PIK3CD: variants seen among roughly 807,000 people sequenced by gnomAD.
PIK3CD encodes phosphatidylinositol-4,5-bisphosphate 3-kinase catalytic subunit delta.
Under a neutral mutation model 122.9 loss-of-function variants are expected in PIK3CD, and 20 were observed. That is an observed-to-expected ratio of 0.16 (90% CI 0.11 to 0.24). The LOEUF (loss-of-function observed/expected upper bound fraction) is 0.24, where lower values mean the gene tolerates loss of function less well. Among genes scored for constraint, PIK3CD ranks in the 10% least tolerant of loss-of-function variants. The pLI is 1.00. For missense variants in PIK3CD, 787 were observed against 1,406.3 expected, an observed-to-expected ratio of 0.56 and a Z score of 7.04; for synonymous variants, 596 against 593.4, an observed-to-expected ratio of 1.00 and a Z score of -0.06.
intron 2 of PIK3CD, among the ~76,000 whole-genome samples, chr1:9,698,224 C>A (rs1646493768): frequency 6.6e-6 from 1 of 152,018 alleles, no homozygotes; most frequent in Admixed American, 6.6e-5. Flanking sequence ...CTCACTGTAA[C>A]CTCCGCCTCC....
the PIK3CD span, among the ~76,000 whole-genome samples, chr1:9,637,287 T>G: frequency 6.8e-6 from 1 of 146,180 alleles, no homozygotes; most frequent in Admixed American, 6.9e-5. Flanking sequence ...CCCAGTGCTA[T>G]GGGAGGCTGA....
intron 1 of PIK3CD, among the ~76,000 whole-genome samples, chr1:9,676,256 G>A (rs968304080): frequency 6.6e-6 from 1 of 151,932 alleles, no homozygotes; most frequent in African/African-American, 2.4e-5. Context: ...TAGATTTTTT[G>A]TAGATATGGG....
At chr1:9,699,259 C>T (rs1335857434) in intron 2 of PIK3CD, among the ~76,000 whole-genome samples, 3 of 152,152 alleles carry the variant, frequency 2.0e-5, no homozygotes, top group East Asian at 1.9e-4. Flanking sequence ...TCGGGCATTT[C>T]GGGGCATGTG....
At chr1:9,642,630 T>A in the PIK3CD span, among the ~76,000 whole-genome samples, 3 of 146,016 alleles carry the variant, frequency 2.1e-5, no homozygotes, top group African/African-American at 7.6e-5. Flanking sequence ...GGCAGGAGAA[T>A]GGTGTGAACC....
upstream of PIK3CD, among the ~76,000 whole-genome samples, chr1:9,651,410 C>T (rs1644668709): frequency 6.6e-6 from 1 of 152,178 alleles, no homozygotes; most frequent in South Asian, 2.1e-4. Flanking sequence ...GCCTTTCTCC[C>T]GCTCCTGCTG....
chr1:9,686,879 C>T (rs747315234), intron 1 of PIK3CD, among the ~76,000 whole-genome samples: 2 of 152,184 alleles, frequency 1.3e-5, no homozygotes, highest in South Asian at 4.1e-4. Flanking sequence ...AATATGAGTG[C>T]CAGGCACTGT....
At chr1:9,661,419 C>T (rs1645005655) in intron 1 of PIK3CD, among the ~76,000 whole-genome samples, 1 of 151,806 alleles carries the variant, frequency 6.6e-6, no homozygotes, top group Non-Finnish European at 1.5e-5. Context: ...TATAGGGTCT[C>T]ATTCTGTTGC....
intron 13 of PIK3CD, 97 bp from the exon 14 acceptor site, chr1:9,721,030 C>A: frequency 1.4e-6 from 2 of 1,426,352 alleles, no homozygotes; most frequent in Non-Finnish European, 1.9e-6. Flanking sequence ...CTGACCCTGG[C>A]CACCCACCAC....
At chr1:9,687,443 T>TTG (rs1646007515) in intron 1 of PIK3CD, 1 of 152,280 alleles carries the variant, frequency 6.6e-6, no homozygotes, top group Non-Finnish European at 1.5e-5. Flanking sequence ...ATCCCCGCCC[T>TTG]GGGGGGGTCC....
At chr1:9,648,741 G>A (rs540687322), upstream of PIK3CD, among the ~76,000 whole-genome samples, 34 of 152,366 alleles carry the variant, frequency 2.2e-4, 1 homozygote, top group African/African-American at 7.9e-4. Context: ...AAAGGGACCT[G>A]TGGTCCTTCC....
chr1:9,696,620 T>C (rs984663325), intron 2 of PIK3CD, among the ~76,000 whole-genome samples: 1 of 150,966 alleles, frequency 6.6e-6, no homozygotes, highest in Non-Finnish European at 1.5e-5. Context: ...CGTGGTAGCA[T>C]GTGCCTGTAG....
intron 1 of PIK3CD, among the ~76,000 whole-genome samples, chr1:9,684,388 T>G (rs1156860174): frequency 1.3e-5 from 2 of 151,550 alleles, no homozygotes; most frequent in Non-Finnish European, 2.9e-5. Flanking sequence ...AATACAAAAA[T>G]TAGCTGGGCA....
the PIK3CD span, among the ~76,000 whole-genome samples, chr1:9,627,476 G>C: frequency 3.9e-5 from 6 of 152,236 alleles, no homozygotes; most frequent in Admixed American, 1.3e-4. Context: ...CGTGGGCCTC[G>C]CCTCTCTCCA....
intron 1 of PIK3CD, among the ~76,000 whole-genome samples, chr1:9,662,805 C>T (rs370076879): frequency 1.6e-3 from 237 of 152,232 alleles, no homozygotes; most frequent in African/African-American, 5.4e-3. Context: ...TCTCCTGTCT[C>T]AGCCATCTAA....
intron 2 of PIK3CD, among the ~76,000 whole-genome samples, chr1:9,706,223 G>T (rs938069712): frequency 3.3e-5 from 5 of 151,486 alleles, no homozygotes; most frequent in African/African-American, 1.2e-4. Flanking sequence ...CTGGCTAGGA[G>T]CTCACACCTG....
Position 9,726,961 on chromosome 1 carries a change from T to G in PIK3CD, c.3050T>G (p.Val1017Gly). 6.2e-7 allele frequency: 1 copy of G among 1,613,818 alleles called. No homozygotes were observed. Among genetic ancestry groups the G allele is most frequent in the South Asian group, 1.1e-5 (1 of 91,058 alleles). Residue 1017 changes from valine to glycine, a missense_variant, in exon 24 of 24, where the codon GTG becomes GGG. Val to Gly is a moderately radical substitution (Grantham distance 109, BLOSUM62 -3). Around this residue, in one of 6 missense-constraint regions of PIK3CD, gnomAD observed 60 missense variants for 129.5 expected, o/e 0.46. Coordinates refer to ENST00000377346, the MANE Select transcript of PIK3CD (RefSeq NM_005026.5). ...GAGGAGGCACTGAAGCACTTCCGAG[T>G]GAAGTTTAACGAAGCCCTCCGTGAG... is the stretch of plus-strand genomic sequence containing the variant. ...TEEEALKHFR[V>G]KFNEALRESW...
intron 3 of PIK3CD, among the ~76,000 whole-genome samples, chr1:9,714,673 C>T (rs1647203769): frequency 1.3e-5 from 2 of 152,198 alleles, no homozygotes; most frequent in East Asian, 3.9e-4. Flanking sequence ...GCTTGACAGA[C>T]CATAGTTAGC....
At position 9,726,700 on chromosome 1, in the gene PIK3CD, G is replaced by A. The variant is rs181040724; in HGVS notation, c.2998-209G>A. Among the ~76,000 whole-genome samples, 234 of 152,200 alleles carry A rather than the reference G, an allele frequency of 1.5e-3. 4 individuals carry two copies. The East Asian group carries it at 0.03, about 19-fold the overall frequency. ...GAGCCATTTCTCCAGTAGGGGAGGC[G>A]AGGTCACTTGGGAACTGGGGGCTCT... is the stretch of plus-strand genomic sequence containing the variant. On this transcript the variant is annotated intron_variant, in intron 23 of 23. Coordinates refer to ENST00000377346, the MANE Select transcript of PIK3CD (RefSeq NM_005026.5).
At chr1:9,632,896 C>T in the PIK3CD span, among the ~76,000 whole-genome samples, 7 of 145,404 alleles carry the variant, frequency 4.8e-5, no homozygotes, top group Non-Finnish European at 9.0e-5. Context: ...GAGTCTCGCT[C>T]TGTTGCCCAG....
Sources: gnomAD v4.1 joint callset for allele counts (sites outside exome capture counted in the v4.1 genomes callset) on GRCh38, gnomAD v4.1.1 for gene constraint, gnomAD v4.1.1 regional missense constraint, MANE v1.5 for transcripts, NCBI Gene and HGNC (gene_info 2026-07-23, HGNC 2026-07-21) for gene names.